The following LDAH variants were observed in gnomAD, a reference collection of about 807,000 sequenced individuals.
The protein encoded by LDAH is lipid droplet-associated hydrolase.
In LDAH, 26 loss-of-function variants were observed where a neutral mutation model predicts 29.6. The ratio of observed to expected loss-of-function variants is 0.88; its 90% CI spans 0.64 to 1.22. The LOEUF (loss-of-function observed/expected upper bound fraction) is 1.22, where lower values mean the gene tolerates loss of function less well. LDAH is among the 50% of genes most tolerant of loss of function. LDAH has a pLI of 0.00. For missense variants in LDAH, 344 were observed against 387.3 expected (o/e 0.89, Z 0.94); for synonymous variants, 117 against 133.0 (o/e 0.88, Z 0.83).
intron 4 of LDAH, among the ~76,000 whole-genome samples, chr2:20,751,362 T>C (rs545635017): frequency 6.6e-6 from 1 of 152,336 alleles, no homozygotes; most frequent in South Asian, 2.1e-4. Flanking sequence ...CTGTGACTGG[T>C]TCCAGTTAGT....
intron 4 of LDAH, among the ~76,000 whole-genome samples, chr2:20,773,705 G>A (rs1172641181): frequency 6.6e-6 from 1 of 152,178 alleles, no homozygotes. Context: ...GGAGGCTATA[G>A]TTGTACATTT....
At chr2:20,683,765 T>G (rs1040498284), downstream of LDAH, among the ~76,000 whole-genome samples, 1 of 152,216 alleles carries the variant, frequency 6.6e-6, no homozygotes, top group Non-Finnish European at 1.5e-5. Flanking sequence ...AAAACAAGTT[T>G]GCTATCCTCC....
intron 2 of LDAH, among the ~76,000 whole-genome samples, chr2:20,792,696 G>A (rs1671054798): frequency 1.3e-5 from 2 of 152,080 alleles, no homozygotes; most frequent in Non-Finnish European, 2.9e-5. Flanking sequence ...TTAAAAACTG[G>A]TGTAACATTA....
downstream of LDAH, among the ~76,000 whole-genome samples, chr2:20,683,500 C>G (rs1278546387): frequency 6.6e-6 from 1 of 152,236 alleles, no homozygotes; most frequent in Non-Finnish European, 1.5e-5. Flanking sequence ...GAAGATGTCT[C>G]AAGCCATCTA....
chr2:20,765,988 T>C (rs951839274), intron 4 of LDAH, among the ~76,000 whole-genome samples: 1 of 152,150 alleles, frequency 6.6e-6, no homozygotes, highest in South Asian at 2.1e-4. Flanking sequence ...TCTGTAATCC[T>C]CCATATATCT....
intron 5 of LDAH, among the ~76,000 whole-genome samples, chr2:20,702,762 A>G (rs1184960419): frequency 6.6e-6 from 1 of 152,218 alleles, no homozygotes; most frequent in Non-Finnish European, 1.5e-5. Context: ...GCATACTTGC[A>G]CTTTCCCCAT....
At chr2:20,720,883 G>A (rs917381321) in intron 5 of LDAH, among the ~76,000 whole-genome samples, 9 of 152,138 alleles carry the variant, frequency 5.9e-5, no homozygotes, top group Non-Finnish European at 8.8e-5. Flanking sequence ...ACACATTGGG[G>A]AAAGGATAGT....
chr2:20,725,507 T>C (rs894241960), intron 5 of LDAH, among the ~76,000 whole-genome samples: 1 of 152,222 alleles, frequency 6.6e-6, no homozygotes, highest in Admixed American at 6.5e-5. Context: ...CTGACTGTCT[T>C]ACCTCAGTGT....
intron 5 of LDAH, among the ~76,000 whole-genome samples, chr2:20,727,339 G>A (rs1158661599): frequency 6.6e-6 from 1 of 152,170 alleles, no homozygotes; most frequent in East Asian, 1.9e-4. Context: ...AAATTATTCT[G>A]GGATTGAGTT....
chr2:20,723,713 C>G (rs1254594741), intron 5 of LDAH, among the ~76,000 whole-genome samples: 1 of 151,962 alleles, frequency 6.6e-6, no homozygotes, highest in African/African-American at 2.4e-5. Flanking sequence ...ATAATAATAC[C>G]AAATAGAAGT....
intron 2 of LDAH, among the ~76,000 whole-genome samples, chr2:20,798,550 G>C (rs1486713963): frequency 6.7e-6 from 1 of 149,030 alleles, no homozygotes; most frequent in Non-Finnish European, 1.5e-5. Flanking sequence ...TATAGGCTTA[G>C]CTATGTATAA....
At chr2:20,798,620 TA>T (rs1638452845) in intron 2 of LDAH, among the ~76,000 whole-genome samples, 1 of 149,584 alleles carries the variant, frequency 6.7e-6, no homozygotes, top group Non-Finnish European at 1.5e-5. Context: ...GTCATAATAA[TA>T]AAAGCACTGA....
chr2:20,752,242 A>G (rs893622101), intron 4 of LDAH, among the ~76,000 whole-genome samples: 2 of 152,156 alleles, frequency 1.3e-5, no homozygotes, highest in African/African-American at 4.8e-5. Flanking sequence ...TAAAAATATC[A>G]GTGAAAAAGA....
At position 20,774,913 on chromosome 2, in the gene LDAH, A is replaced by C. The variant is rs758909927; in HGVS notation, c.365T>G (p.Phe122Cys). The C allele has an allele frequency of 6.2e-7, 1 of 1,613,678 alleles. No homozygotes were observed. Among genetic ancestry groups the C allele is most frequent in the South Asian group, 1.1e-5 (1 of 91,064 alleles). Residue 122 changes from phenylalanine to cysteine, a missense_variant, in exon 4 of 7, where the codon TTC becomes TGC. Phe to Cys is a radical substitution (Grantham distance 205). Coordinates refer to ENST00000237822, the MANE Select transcript of LDAH (RefSeq NM_021925.4). The stretch of plus-strand genomic sequence containing the variant: ...GTCCTTTGGCACATGAGTTCTCAGG[A>C]AAGCTAGTTTGTGCTCTATTTGTCC... Reference protein sequence around the residue: ...LNGQIEHKLAFLRTHVPKDMK... With the variant: ...LNGQIEHKLACLRTHVPKDMK...
chr2:20,743,012 C>T (rs1432070723), intron 4 of LDAH, among the ~76,000 whole-genome samples: 1 of 151,882 alleles, frequency 6.6e-6, no homozygotes, highest in Non-Finnish European at 1.5e-5. Flanking sequence ...ATCTTCCTGC[C>T]TCAGCCTGCC....
intron 5 of LDAH, among the ~76,000 whole-genome samples, chr2:20,712,030 G>A (rs1664801749): frequency 6.6e-6 from 1 of 152,230 alleles, no homozygotes; most frequent in South Asian, 2.1e-4. Context: ...GAAGACAGCA[G>A]TGGTTCTCCC....
chr2:20,808,067 CATAAA>C (rs1396345260), intron 1 of LDAH, among the ~76,000 whole-genome samples: 1 of 151,458 alleles, frequency 6.6e-6, no homozygotes, highest in Non-Finnish European at 1.5e-5. Context: ...GAAAATAAAA[CATAAA>C]AGAGACCACT....
intron 2 of LDAH, among the ~76,000 whole-genome samples, chr2:20,794,885 A>G (rs1671208869): frequency 6.6e-6 from 1 of 152,200 alleles, no homozygotes; most frequent in Non-Finnish European, 1.5e-5. Context: ...TCTAACTTAT[A>G]ACAGAGACAG....
chr2:20,798,528 T>C lies in LDAH; in HGVS notation c.154+2782A>G, dbSNP rs535055600. On this transcript the variant is annotated intron_variant, in intron 2 of 6. Transcript: ENST00000237822. ...AAAAATATATAAGAAAGGAAATGCA[T>C]GCGCAATTCCCTATAGGCTTAGCTA... 2.7e-5 allele frequency among the ~76,000 whole-genome samples: 4 copies of C among 150,808 alleles called. No homozygotes were observed. The East Asian group carries it at 7.7e-4, about 29-fold the overall frequency.
Sources: allele counts gnomAD v4.1 joint callset (sites outside exome capture counted in the v4.1 genomes callset), GRCh38; gene constraint gnomAD v4.1.1; transcripts MANE v1.5; gene names NCBI Gene and HGNC (gene_info 2026-07-23, HGNC 2026-07-21).